The following POLR3G variants were observed in gnomAD, a reference collection of about 807,000 sequenced individuals.
POLR3G encodes RNA polymerase III subunit G.
In POLR3G, 28 loss-of-function variants were observed where a neutral mutation model predicts 30.1. The observed-to-expected ratio is 0.93, with a 90% CI of 0.69 to 1.27. The LOEUF is 1.27. POLR3G is among the 50% of genes most tolerant of loss of function. The probability of loss-of-function intolerance (pLI) is 0.00; values close to 1 mark genes in which losing one functional copy is unlikely to be tolerated. For missense variants in POLR3G, 254 were observed against 264.6 expected, an observed-to-expected ratio of 0.96 and a Z score of 0.28; for synonymous variants, 79 against 82.5, an observed-to-expected ratio of 0.96 and a Z score of 0.23.
In POLR3G at chr5:90,506,611, T is replaced by C. The variant is rs1322759280; in HGVS notation, c.522T>C (p.Gly174=). The C allele has an allele frequency of 3.7e-6, 6 of 1,613,284 alleles. No homozygotes were observed. Among genetic ancestry groups the C allele is most frequent in the African/African-American group, 1.3e-5 (1 of 74,814 alleles). ...GAAGCAAAGAGAAAAGTAAAGAAGG[T>C]GATGATGACGATGACGATGATGCCG... ...KEGSKEKSKE[G]DDDDDDDAAE... The change falls in exon 7 of 8, where the codon GGT becomes GGC. Residue 174 remains glycine (G), a synonymous_variant. Transcript: ENST00000651687.
chr5:90,491,751 A>G (rs77212595), intron 3 of POLR3G, among the ~76,000 whole-genome samples: 1,784 of 152,194 alleles, frequency 0.012, 33 homozygotes, highest in African/African-American at 0.041. Context: ...ATACCTTGCT[A>G]CTTTATCATC....
upstream of POLR3G, chr5:90,474,348 G>T: frequency 6.7e-7 from 1 of 1,500,294 alleles, no homozygotes; most frequent in Non-Finnish European, 9.2e-7. Context: ...TCTCCCACAG[G>T]CTGTCCACAC....
chr5:90,504,330 G>C (rs897427804), intron 6 of POLR3G, among the ~76,000 whole-genome samples: 31 of 151,912 alleles, frequency 2.0e-4, no homozygotes, highest in African/African-American at 7.3e-4. Context: ...GGAGGCCGAG[G>C]CGGGTGGATC....
In POLR3G at chr5:90,512,550, C is replaced by T. The variant is rs1752789803; in HGVS notation, c.*411C>T. Reference sequence around the variant, plus strand: ...AGTTGATATAATACAGCACGTGGAGCACTTTAAAAACAAAGAAACTTGAAA... The same window carrying T: ...AGTTGATATAATACAGCACGTGGAGTACTTTAAAAACAAAGAAACTTGAAA... On this transcript the variant is annotated 3_prime_UTR_variant, in exon 8 of 8. Transcript: ENST00000651687. 6.4e-6 allele frequency: 1 copy of T among 157,282 alleles called. No homozygotes were observed. The highest frequency in any genetic ancestry group is 1.4e-5 in the Non-Finnish European group (1 of 70,750). 9.7% of individuals were successfully genotyped at this position (157,282 alleles called of 1,614,324 possible).
rs1365196352 is a variant in POLR3G at position 90,512,146 on chromosome 5, A to C, written c.*7A>C. The C allele has an allele frequency of 5.8e-6, 9 of 1,558,076 alleles. No homozygotes were observed. Among genetic ancestry groups the C allele is most frequent in the Non-Finnish European group, 7.1e-6 (8 of 1,131,066 alleles). On this transcript the variant is annotated 3_prime_UTR_variant, in exon 8 of 8. Transcript: ENST00000651687. ...GGATGAGGCAACCTATTAGGCATGA[A>C]ATTTTTCAAAAAATATTTTTATGAT...
chr5:90,492,758 T>G (rs1293423792), intron 3 of POLR3G, among the ~76,000 whole-genome samples: 1 of 151,532 alleles, frequency 6.6e-6, no homozygotes, highest in Non-Finnish European at 1.5e-5. Flanking sequence ...AGAGGGCACC[T>G]GTACTCCCAG....
intron 1 of POLR3G, among the ~76,000 whole-genome samples, chr5:90,482,724 G>A (rs540013501): frequency 1.3e-5 from 2 of 152,208 alleles, no homozygotes; most frequent in Admixed American, 1.3e-4. Context: ...TGATCTTGTG[G>A]CCCCCACCCA....
At chr5:90,495,555 G>C (rs1751941422) in intron 3 of POLR3G, 122 bp from the exon 4 acceptor site, 1 of 1,444,464 alleles carries the variant, frequency 6.9e-7, no homozygotes, top group African/African-American at 1.5e-5. Flanking sequence ...ACAAAGGTGG[G>C]AAACTCCCTG....
At chr5:90,495,484 C>G (rs1751936799) in intron 3 of POLR3G, among the ~76,000 whole-genome samples, 193 bp from the exon 4 acceptor site, 1 of 152,212 alleles carries the variant, frequency 6.6e-6, no homozygotes. Flanking sequence ...TGCCTCAGAT[C>G]AGTAACCCCT....
At chr5:90,506,194 A>C (rs1752478418) in intron 6 of POLR3G, among the ~76,000 whole-genome samples, 1 of 152,126 alleles carries the variant, frequency 6.6e-6, no homozygotes, top group African/African-American at 2.4e-5. Flanking sequence ...GTGGCACTGC[A>C]CTCCAGCCTG....
chr5:90,486,378 T>A (rs571430922), intron 2 of POLR3G, among the ~76,000 whole-genome samples: 1 of 152,222 alleles, frequency 6.6e-6, no homozygotes, highest in Admixed American at 6.5e-5. Flanking sequence ...CTCTTTTCCA[T>A]GTGTGAGGAG....
intron 5 of POLR3G, 166 bp downstream of exon 5, chr5:90,497,872 G>A: frequency 3.8e-6 from 3 of 784,554 alleles, no homozygotes; most frequent in Non-Finnish European, 5.5e-6. Flanking sequence ...TCGGGAGGCT[G>A]AGGTGGGAGG....
intron 5 of POLR3G, among the ~76,000 whole-genome samples, chr5:90,500,536 A>G (rs1342981297): frequency 2.6e-5 from 4 of 152,112 alleles, no homozygotes; most frequent in Non-Finnish European, 5.9e-5. Flanking sequence ...ATTTATTGAG[A>G]TCTTGTTCAT....
chr5:90,485,460 A>C (rs1350266138), intron 1 of POLR3G, 65 bp from the exon 2 acceptor site: 3 of 763,216 alleles, frequency 3.9e-6, no homozygotes, highest in Non-Finnish European at 6.6e-6. Context: ...GTGCAGTTTT[A>C]TATTTTGCTT....
chr5:90,477,833 G>A (rs1043707543), intron 1 of POLR3G, among the ~76,000 whole-genome samples: 1 of 152,214 alleles, frequency 6.6e-6, no homozygotes, highest in Non-Finnish European at 1.5e-5. Context: ...AGTGGGTGGA[G>A]CATATGGGCT....
rs139188430 is a variant in POLR3G, at chr5:90,484,206, G to A, written c.-43-1319G>A. Among the ~76,000 whole-genome samples the A allele has an allele frequency of 5.3e-5, 8 of 152,232 alleles. No homozygotes were observed. The East Asian group carries it at 1.5e-3, about 29-fold the overall frequency. On this transcript the variant is annotated intron_variant, in intron 1 of 7. Transcript: ENST00000651687. ...AGGCTTCTTAAAACACCAGTGCTGGGCCCACTCACAGTTTCTTTTTTCTTT... is the reference window on the plus strand; with the variant it reads ...AGGCTTCTTAAAACACCAGTGCTGGACCCACTCACAGTTTCTTTTTTCTTT...
Position 90,512,283 on chromosome 5 carries a change from CT to C in POLR3G, c.*147del. ...GTTGTTACCAAAATATTCAAAACCACTTTGAGTTTACATACTAGTTACCTTA... is the reference window on the plus strand; with the variant it reads ...GTTGTTACCAAAATATTCAAAACCACTTGAGTTTACATACTAGTTACCTTA... On this transcript the variant is annotated 3_prime_UTR_variant, in exon 8 of 8. Transcript: ENST00000651687. 1 of 590,996 alleles carries C rather than the reference CT, an allele frequency of 1.7e-6. No individual in the cohort carries two copies. Among genetic ancestry groups the C allele is most frequent in the South Asian group, 2.3e-5 (1 of 43,090 alleles). 36.6% of individuals were successfully genotyped at this position (590,996 alleles called of 1,614,324 possible).
chr5:90,477,135 A>C (rs531929060), intron 1 of POLR3G, among the ~76,000 whole-genome samples: 1 of 152,324 alleles, frequency 6.6e-6, no homozygotes, highest in South Asian at 2.1e-4. Flanking sequence ...AGTACTTGGG[A>C]AACACAGAGA....
chr5:90,506,476 A>C, intron 6 of POLR3G, 52 bp from the exon 7 acceptor site: 1 of 1,573,212 alleles, frequency 6.4e-7, no homozygotes, highest in Non-Finnish European at 8.6e-7. Flanking sequence ...TAAGCAGGGA[A>C]GTCAGCAGTC....
Sources: gnomAD v4.1 joint callset for allele counts (sites outside exome capture counted in the v4.1 genomes callset) on GRCh38, gnomAD v4.1.1 for gene constraint, MANE v1.5 for transcripts, NCBI Gene and HGNC (gene_info 2026-07-23, HGNC 2026-07-21) for gene names.